The following BRIP1 variants were observed in gnomAD, a reference collection of about 807,000 sequenced individuals.
The protein encoded by BRIP1 is BRCA1 interacting DNA helicase 1.
A neutral mutation model predicts 119.7 loss-of-function variants in BRIP1; 88 were observed. That is an observed-to-expected ratio of 0.74 (90% CI 0.62 to 0.88). The LOEUF (loss-of-function observed/expected upper bound fraction) is 0.88, where lower values mean the gene tolerates loss of function less well. Among genes scored for constraint, BRIP1 ranks in the 40% least tolerant of loss-of-function variants. BRIP1 has a pLI of 0.00. For missense variants in BRIP1, 1,259 were observed against 1,455.4 expected (o/e 0.87, Z 2.20); for synonymous variants, 443 against 496.5 (o/e 0.89, Z 1.43).
intron 16 of BRIP1, among the ~76,000 whole-genome samples, chr17:61,716,450 G>A (rs1449094447): frequency 6.6e-6 from 1 of 151,864 alleles, no homozygotes; most frequent in Admixed American, 6.6e-5. Context: ...TTCCACTGCT[G>A]GCCCTGGCAA....
chr17:61,744,993 G>A lies in BRIP1; in HGVS notation c.2098-402C>T, dbSNP rs926944146. ...CAAAAAACAAAAAACCTCTGTCAAA[G>A]TTAACAAACTTTAAGTTCTCTCTTT... On this transcript the variant is annotated intron_variant, in intron 14 of 19. Coordinates refer to ENST00000259008, the MANE Select transcript of BRIP1 (RefSeq NM_032043.3). The surrounding 1 kb of genome is among the most constrained non-coding windows in gnomAD (Gnocchi z 5.0). Among the ~76,000 whole-genome samples, 1 of 152,018 alleles carries A rather than the reference G, an allele frequency of 6.6e-6. No homozygotes were observed. The highest frequency in any genetic ancestry group is 2.4e-5 in the African/African-American group (1 of 41,392).
At chr17:61,783,016 C>A (rs1290739760) in intron 11 of BRIP1, among the ~76,000 whole-genome samples, 1 of 152,080 alleles carries the variant, frequency 6.6e-6, no homozygotes, top group Non-Finnish European at 1.5e-5. Context: ...GCAGCATTAC[C>A]ATATGATTCT....
At position 61,833,456 on chromosome 17, in the gene BRIP1, G is replaced by C. The variant is rs140641743; in HGVS notation, c.627+13645C>G. ...AGGCCAAGGCAAGCGGATCATTTGA[G>C]GTTGGGAGTTCGAAACATGCCTGGC... On this transcript the variant is annotated intron_variant, in intron 6 of 19. Transcript: ENST00000259008. Among the ~76,000 whole-genome samples the C allele has an allele frequency of 7.3e-3, 1,114 of 152,220 alleles. 11 individuals carry two copies. The highest frequency in any genetic ancestry group is 0.025 in the African/African-American group (1,055 of 41,536).
In BRIP1 at chr17:61,778,082, T is replaced by C. The variant is rs2145050388; in HGVS notation, c.1936-1520A>G. ...AGTGGAAGACCAAATATATATATTATAAATCACAGGCATATACACACAAGA... is the reference window on the plus strand; with the variant it reads ...AGTGGAAGACCAAATATATATATTACAAATCACAGGCATATACACACAAGA... On this transcript the variant is annotated intron_variant, in intron 13 of 19. Coordinates refer to ENST00000259008, the MANE Select transcript of BRIP1 (RefSeq NM_032043.3). This position sits in a 1 kb window ranked among gnomAD's most constrained non-coding sequence, Gnocchi z 4.4. 6.6e-6 allele frequency among the ~76,000 whole-genome samples: 1 copy of C among 152,302 alleles called. No homozygotes were observed. Among genetic ancestry groups the C allele is most frequent in the African/African-American group, 2.4e-5 (1 of 41,574 alleles).
intron 17 of BRIP1, among the ~76,000 whole-genome samples, chr17:61,707,697 TG>T (rs1212392257): frequency 1.3e-5 from 2 of 152,164 alleles, no homozygotes; most frequent in African/African-American, 4.8e-5. Context: ...TCTTGTTTCA[TG>T]GAGGCAATAT....
rs1280532943 is a variant in BRIP1 at position 61,815,386 on chromosome 17, T to G, written c.628-6629A>C. On this transcript the variant is annotated intron_variant, in intron 6 of 19. Transcript: ENST00000259008. The surrounding 1 kb of genome is among the most constrained non-coding windows in gnomAD (Gnocchi z 4.1). ...GTGACTGATTTGGGTTAGGGCTTTA[T>G]TCCAGAATTTATATCTGGTTTTTTA... 6.6e-6 allele frequency among the ~76,000 whole-genome samples: 1 copy of G among 152,196 alleles called. No individual in the cohort carries two copies. The highest frequency in any genetic ancestry group is 1.5e-5 in the Non-Finnish European group (1 of 68,016).
intron 14 of BRIP1, among the ~76,000 whole-genome samples, chr17:61,765,402 T>A (rs2077347390): frequency 6.5e-5 from 1 of 15,276 alleles, no homozygotes; most frequent in Non-Finnish European, 1.6e-4. Context: ...TATATATATA[T>A]ATATATATAT....
chr17:61,765,421 A>ATTTTTTTTTT (rs1567799194), intron 14 of BRIP1, among the ~76,000 whole-genome samples: 1 of 8,110 alleles, frequency 1.2e-4, no homozygotes, highest in Admixed American at 2.8e-3. Context: ...ATATATATAT[A>ATTTTTTTTTT]TATTTTTTTT....
chr17:61,825,545 T>C lies in BRIP1; in HGVS notation c.628-16788A>G, dbSNP rs555046197. 3.6e-4 allele frequency among the ~76,000 whole-genome samples: 54 copies of C among 151,496 alleles called. No individual in the cohort carries two copies. The highest frequency in any genetic ancestry group is 1.0e-3 in the South Asian group (5 of 4,812). ...CAGGATACTAAATCAATATGCAAAA[T>C]TTACTGACATTCCAATTCACCATCA... is the stretch of plus-strand genomic sequence containing the variant. On this transcript the variant is annotated intron_variant, in intron 6 of 19. Transcript: ENST00000259008. The surrounding 1 kb of genome is among the most constrained non-coding windows in gnomAD (Gnocchi z 4.1).
In BRIP1 at chr17:61,686,182, A is replaced by G. The variant is rs1057517647; in HGVS notation, c.2576-17T>C. 8 of 1,612,282 alleles carry G rather than the reference A, an allele frequency of 5.0e-6. No homozygotes were observed. The highest frequency in any genetic ancestry group is 6.8e-6 in the Non-Finnish European group (8 of 1,178,378). The stretch of plus-strand genomic sequence containing the variant: ...TAGAAAGTCCTAAAGAAAAAGGTAA[A>G]CCCAGGGAAAATTTGGTTACTTAGT... On this transcript the variant is annotated splice_polypyrimidine_tract_variant and intron_variant, in intron 18 of 19. Transcript: ENST00000259008. The surrounding 1 kb of genome is among the most constrained non-coding windows in gnomAD (Gnocchi z 5.4).
rs1358184344 is a variant in BRIP1 at position 61,708,358 on chromosome 17, T to C, written c.2492+7593A>G. Among the ~76,000 whole-genome samples, 1 of 152,228 alleles carries C rather than the reference T, an allele frequency of 6.6e-6. No homozygotes were observed. Among genetic ancestry groups the C allele is most frequent in the Non-Finnish European group, 1.5e-5 (1 of 68,040 alleles). On this transcript the variant is annotated intron_variant, in intron 17 of 19. Coordinates refer to ENST00000259008, the MANE Select transcript of BRIP1 (RefSeq NM_032043.3). This position sits in a 1 kb window ranked among gnomAD's most constrained non-coding sequence, Gnocchi z 4.4. Reference sequence around the variant, plus strand: ...ATCATCCCTTTGTCCACCATGTCCATGCTGTATACTCTTTTTGCCCATTAG... The same window carrying C: ...ATCATCCCTTTGTCCACCATGTCCACGCTGTATACTCTTTTTGCCCATTAG...
intron 6 of BRIP1, among the ~76,000 whole-genome samples, chr17:61,836,581 T>C (rs1435620470): frequency 6.6e-6 from 1 of 152,086 alleles, no homozygotes; most frequent in African/African-American, 2.4e-5. Context: ...CAACAAATAA[T>C]ACAAGTAGCT....
intron 19 of BRIP1, 77 bp downstream of exon 19, chr17:61,685,759 T>A: frequency 1.6e-6 from 2 of 1,274,416 alleles, no homozygotes; most frequent in Non-Finnish European, 1.1e-6. Flanking sequence ...AATTAATCTA[T>A]ACCCAAATAA....
Position 61,842,783 on chromosome 17 carries a change from C to T in BRIP1, c.627+4318G>A, listed in dbSNP as rs1448973013. On this transcript the variant is annotated intron_variant, in intron 6 of 19. Transcript: ENST00000259008. The surrounding 1 kb of genome is among the most constrained non-coding windows in gnomAD (Gnocchi z 5.1). Reference sequence around the variant, plus strand: ...AACTCTAAGGTATGCCAGATACTCTCAGCACTGTATAGATATCAACTTGTT... The same window carrying T: ...AACTCTAAGGTATGCCAGATACTCTTAGCACTGTATAGATATCAACTTGTT... Among the ~76,000 whole-genome samples the T allele has an allele frequency of 6.6e-6, 1 of 152,204 alleles. No individual in the cohort carries two copies. The highest frequency in any genetic ancestry group is 1.5e-5 in the Non-Finnish European group (1 of 68,032).
Position 61,684,248 on chromosome 17 carries a change from A to C in BRIP1, c.2906-108T>G. 1 of 1,267,530 alleles carries C rather than the reference A, an allele frequency of 7.9e-7. No individual in the cohort carries two copies. Among genetic ancestry groups the C allele is most frequent in the Non-Finnish European group, 1.1e-6 (1 of 922,598 alleles). The allele number at this position is 1,267,530 out of a possible 1,614,324, so 78.5% of individuals were successfully genotyped here. A position where few individuals can be genotyped will look rare whatever the true frequency, so the allele number is the denominator to read the frequency against. On this transcript the variant is annotated intron_variant, in intron 19 of 19. Coordinates refer to ENST00000259008, the MANE Select transcript of BRIP1 (RefSeq NM_032043.3). The surrounding 1 kb of genome is among the most constrained non-coding windows in gnomAD (Gnocchi z 4.5). ...ATACCTAAATAACTGTATAGGATAC[A>C]TAACTTAGAGCCCCCAACGAATACT... is the stretch of plus-strand genomic sequence containing the variant.
At chr17:61,812,463 C>T (rs1422314221) in intron 6 of BRIP1, among the ~76,000 whole-genome samples, 1 of 151,870 alleles carries the variant, frequency 6.6e-6, no homozygotes, top group Non-Finnish European at 1.5e-5. Context: ...AACTCTAAGA[C>T]CTGTAAGTGG....
At chr17:61,741,733 A>G (rs2076989693) in intron 16 of BRIP1, among the ~76,000 whole-genome samples, 1 of 152,248 alleles carries the variant, frequency 6.6e-6, no homozygotes, top group Non-Finnish European at 1.5e-5. Context: ...TCAGTAAACC[A>G]TGCTGTAAAC....
rs1296564904 is a variant in BRIP1, at chr17:61,690,814, GT to G, written c.2575+2615del. Among the ~76,000 whole-genome samples the G allele has an allele frequency of 1.5e-4, 23 of 152,154 alleles. No individual in the cohort carries two copies. The East Asian group carries it at 2.1e-3, about 14-fold the overall frequency. Reference sequence around the variant, plus strand: ...AACCCTAAAGATTGAAAAAAAACCTGTTAGGACTAATAAATCCAGTAAAGTT... The same window carrying G: ...AACCCTAAAGATTGAAAAAAAACCTGTAGGACTAATAAATCCAGTAAAGTT... On this transcript the variant is annotated intron_variant, in intron 18 of 19. Transcript: ENST00000259008. This position sits in a 1 kb window ranked among gnomAD's most constrained non-coding sequence, Gnocchi z 5.6.
At position 61,861,821 on chromosome 17, in the gene BRIP1, C is replaced by T. The variant is rs996467395; in HGVS notation, c.-30-252G>A. 1 of 501,008 alleles carries T rather than the reference C, an allele frequency of 2.0e-6. No individual in the cohort carries two copies. Among genetic ancestry groups the T allele is most frequent in the Non-Finnish European group, 3.6e-6 (1 of 276,588 alleles). 31.0% of individuals were successfully genotyped at this position (501,008 alleles called of 1,614,324 possible). On this transcript the variant is annotated intron_variant, in intron 1 of 19. Coordinates refer to ENST00000259008, the MANE Select transcript of BRIP1 (RefSeq NM_032043.3). This position sits in a 1 kb window ranked among gnomAD's most constrained non-coding sequence, Gnocchi z 4.5. ...TGTGTGACTTCGGGAAAGTTAGTTACCTTCTCTAAGCCACAGTGACTGCAT... is the reference window on the plus strand; with the variant it reads ...TGTGTGACTTCGGGAAAGTTAGTTATCTTCTCTAAGCCACAGTGACTGCAT...
Sources: allele counts gnomAD v4.1 joint callset (sites outside exome capture counted in the v4.1 genomes callset), GRCh38; gene constraint gnomAD v4.1.1; non-coding constraint Gnocchi (gnomAD v3.1); transcripts MANE v1.5; gene names NCBI Gene and HGNC (gene_info 2026-07-23, HGNC 2026-07-21).